The following DNAI4 variants were observed in gnomAD, a reference collection of about 807,000 sequenced individuals.
DNAI4 encodes dynein axonemal intermediate chain 4, also known as WD repeat domain 78.
DNAI4 carries 85 observed loss-of-function variants against 105.8 expected under a neutral mutation model. The ratio of observed to expected loss-of-function variants is 0.80; its 90% CI spans 0.67 to 0.96. The LOEUF (loss-of-function observed/expected upper bound fraction) is 0.96, where lower values mean the gene tolerates loss of function less well. DNAI4 is among the 40% of genes least tolerant of loss of function. The probability of loss-of-function intolerance (pLI) is 0.00; values close to 1 mark genes in which losing one functional copy is unlikely to be tolerated. For missense variants in DNAI4, 1,014 were observed against 1,005.6 expected, an observed-to-expected ratio of 1.01 and a Z score of -0.11; for synonymous variants, 352 against 331.5, an observed-to-expected ratio of 1.06 and a Z score of -0.67.
Position 66,924,676 on chromosome 1 carries a change from C to G in DNAI4, c.156G>C (p.Gln52His). The G allele has an allele frequency of 6.2e-7, 1 of 1,614,222 alleles. No homozygotes were observed. Among genetic ancestry groups the G allele is most frequent in the Non-Finnish European group, 8.5e-7 (1 of 1,180,050 alleles). ...MPVSPAGSHKQQNFGLNNATQ... is the reference protein window; with the variant it reads ...MPVSPAGSHKHQNFGLNNATQ... ...CCGGAACTTACAACCCGAAGTTCTG[C>G]TGCTTGTGACTGCCTGCCGGAGAGA... Residue 52 changes from glutamine to histidine, a missense_variant, in exon 1 of 17, where the codon CAG becomes CAC. By Grantham distance (24) the Gln-to-His change is conservative. Transcript: ENST00000371026.
chr1:66,818,497 T>C (rs113193139), intron 16 of DNAI4, among the ~76,000 whole-genome samples: 11 of 152,310 alleles, frequency 7.2e-5, no homozygotes, highest in African/African-American at 2.6e-4. Context: ...ATAATCTAAA[T>C]GTAAGAACTT....
intron 16 of DNAI4, among the ~76,000 whole-genome samples, chr1:66,821,209 G>A (rs932842448): frequency 2.9e-4 from 41 of 140,560 alleles, no homozygotes; most frequent in Admixed American, 3.9e-4. Context: ...AACGATTCTC[G>A]TGCCTCAGCC....
intron 6 of DNAI4, among the ~76,000 whole-genome samples, chr1:66,863,683 C>T (rs1164410615): frequency 9.2e-5 from 14 of 152,136 alleles, no homozygotes; most frequent in Non-Finnish European, 2.1e-4. Context: ...GTCTTGATCT[C>T]CTGACCTTAA....
chr1:66,920,735 T>C (rs1442205650), intron 1 of DNAI4, among the ~76,000 whole-genome samples: 1 of 152,124 alleles, frequency 6.6e-6, no homozygotes, highest in Middle Eastern at 3.2e-3. Context: ...CACCACCATA[T>C]CTACAGGGCT....
rs74078492 is a variant in DNAI4 at position 66,867,410 on chromosome 1, T to C, written c.940+3960A>G. The stretch of plus-strand genomic sequence containing the variant: ...CTATTTTAGGAACCATTATTGACTA[T>C]TGAACTTTCTGGATTGGTCCTCTAA... On this transcript the variant is annotated intron_variant, in intron 6 of 16. Coordinates refer to ENST00000371026, the MANE Select transcript of DNAI4 (RefSeq NM_024763.5). 1.5e-3 allele frequency among the ~76,000 whole-genome samples: 234 copies of C among 152,358 alleles called. 1 individual carries two copies. Among genetic ancestry groups the C allele is most frequent in the African/African-American group, 5.1e-3 (213 of 41,578 alleles).
chr1:66,820,579 TA>T, intron 16 of DNAI4, among the ~76,000 whole-genome samples: 2 of 152,078 alleles, frequency 1.3e-5, no homozygotes, highest in Middle Eastern at 6.8e-3. Context: ...TAAATAAATA[TA>T]AAATGCATAA....
At chr1:66,821,157 G>A (rs1288568680) in intron 16 of DNAI4, among the ~76,000 whole-genome samples, 5 of 140,224 alleles carry the variant, frequency 3.6e-5, no homozygotes, top group Non-Finnish European at 3.0e-5. Flanking sequence ...GGAGTGCAGT[G>A]GCGCCATCTC....
chr1:66,814,513 C>T (rs770640672), intron 16 of DNAI4, among the ~76,000 whole-genome samples: 3 of 152,028 alleles, frequency 2.0e-5, no homozygotes, highest in Admixed American at 1.3e-4. Context: ...GGACTACAGG[C>T]ACGTGCCACC....
intron 4 of DNAI4, among the ~76,000 whole-genome samples, chr1:66,883,461 A>G (rs951399824): frequency 1.3e-5 from 2 of 151,678 alleles, no homozygotes; most frequent in Non-Finnish European, 2.9e-5. Context: ...GTTTTTTAGT[A>G]TATACGGGGT....
chr1:66,843,914 TAA>T (rs972464017), intron 8 of DNAI4, among the ~76,000 whole-genome samples: 2 of 151,974 alleles, frequency 1.3e-5, no homozygotes, highest in Non-Finnish European at 2.9e-5. Context: ...AGCTTTATAC[TAA>T]GTCTTGAAAT....
At position 66,861,188 on chromosome 1, in the gene DNAI4, C is replaced by T. The variant is rs928487332; in HGVS notation, c.1096+959G>A. 9.9e-5 allele frequency among the ~76,000 whole-genome samples: 15 copies of T among 152,158 alleles called. 1 individual carries two copies. The highest frequency in any genetic ancestry group is 1.5e-4 in the Non-Finnish European group (10 of 67,986). On this transcript the variant is annotated intron_variant, in intron 7 of 16. Coordinates refer to ENST00000371026, the MANE Select transcript of DNAI4 (RefSeq NM_024763.5). ...ATTATTCTCTTTAAACTTGTTATTT[C>T]GAAATACTTATACTTACTGATTTAC...
chr1:66,826,427 T>C (rs945227802), intron 15 of DNAI4, among the ~76,000 whole-genome samples: 10 of 152,028 alleles, frequency 6.6e-5, no homozygotes, highest in Non-Finnish European at 1.3e-4. Context: ...GGCTTCCAAG[T>C]AGCTGGAACT....
intron 7 of DNAI4, among the ~76,000 whole-genome samples, chr1:66,851,072 AC>A (rs1334288467): frequency 6.6e-6 from 1 of 152,014 alleles, no homozygotes; most frequent in Non-Finnish European, 1.5e-5. Flanking sequence ...GGATTAAAAA[AC>A]ATGACTCAAA....
At chr1:66,871,343 T>G in intron 6 of DNAI4, 27 bp downstream of exon 6, 1 of 1,580,010 alleles carries the variant, frequency 6.3e-7, no homozygotes, top group East Asian at 2.2e-5. Flanking sequence ...AACATTATAG[T>G]TTATCAAGCA....
At chr1:66,862,048 G>T in intron 7 of DNAI4, 99 bp downstream of exon 7, 1 of 1,143,496 alleles carries the variant, frequency 8.7e-7, no homozygotes, top group Non-Finnish European at 1.2e-6. Context: ...TACTTTTCAT[G>T]GTCCATTAGA....
rs775191809 is a variant in DNAI4, at chr1:66,871,353, A to C, written c.940+17T>G. 8 of 1,591,506 alleles carry C rather than the reference A, an allele frequency of 5.0e-6. No individual in the cohort carries two copies. The East Asian group carries it at 1.8e-4, about 36-fold the overall frequency. On this transcript the variant is annotated intron_variant, in intron 6 of 16. Coordinates refer to ENST00000371026, the MANE Select transcript of DNAI4 (RefSeq NM_024763.5). ...ATTAGAACATTATAGTTTATCAAGC[A>C]GAATGATAGAAATTACCTTTATCTT...
intron 4 of DNAI4, 110 bp downstream of exon 4, chr1:66,891,044 G>T: frequency 2.2e-6 from 2 of 895,108 alleles, no homozygotes; most frequent in Non-Finnish European, 3.7e-6. Context: ...TCACAAGCCA[G>T]CATTTGGAAA....
intron 13 of DNAI4, among the ~76,000 whole-genome samples, chr1:66,830,995 AT>A: frequency 6.7e-6 from 1 of 149,120 alleles, no homozygotes; most frequent in East Asian, 2.0e-4. Flanking sequence ...AAAAAAAAAA[AT>A]TAGAGGTGAG....
intron 4 of DNAI4, among the ~76,000 whole-genome samples, chr1:66,882,677 C>T (rs1647099310): frequency 6.6e-6 from 1 of 151,862 alleles, no homozygotes; most frequent in African/African-American, 2.4e-5. Flanking sequence ...TTTTATTTAT[C>T]AGTGTACTTG....
Sources: allele counts gnomAD v4.1 joint callset (sites outside exome capture counted in the v4.1 genomes callset), GRCh38; gene constraint gnomAD v4.1.1; transcripts MANE v1.5; gene names NCBI Gene and HGNC (gene_info 2026-07-23, HGNC 2026-07-21).